The following TOX2 variants were observed in gnomAD, a reference collection of about 807,000 sequenced individuals.
The protein encoded by TOX2 is granulosa cell HMG box 1.
In TOX2, 15 loss-of-function variants were observed where a neutral mutation model predicts 47.4. The observed-to-expected ratio is 0.32, with a 90% CI of 0.21 to 0.49. The LOEUF is 0.49. Ranked by LOEUF, TOX2 falls within the 20% of genes least tolerant of loss-of-function variation. TOX2 has a pLI of 0.99. For synonymous variants in TOX2, 290 were observed against 296.6 expected, an observed-to-expected ratio of 0.98 and a Z score of 0.23; for missense variants, 622 against 673.1, an observed-to-expected ratio of 0.92 and a Z score of 0.84.
intron 2 of TOX2, among the ~76,000 whole-genome samples, chr20:43,987,846 G>C (rs548658404): frequency 1.1e-4 from 16 of 152,134 alleles, no homozygotes; most frequent in Admixed American, 3.3e-4. Context: ...CAGCTCTGCA[G>C]GCTCTGGCCT....
chr20:44,038,536 A>G (rs2071276147), intron 3 of TOX2, among the ~76,000 whole-genome samples: 1 of 152,234 alleles, frequency 6.6e-6, no homozygotes, highest in Non-Finnish European at 1.5e-5. Flanking sequence ...GCATGTATAC[A>G]ACTATGACTT....
intron 3 of TOX2, among the ~76,000 whole-genome samples, chr20:44,031,549 G>A (rs1600759895): frequency 2.0e-5 from 3 of 152,204 alleles, no homozygotes; most frequent in Middle Eastern, 3.4e-3. Context: ...CTCATTGACC[G>A]CCACCGTTTA....
intron 1 of TOX2, among the ~76,000 whole-genome samples, chr20:43,967,824 T>C (rs2069886571): frequency 6.6e-6 from 1 of 152,212 alleles, no homozygotes; most frequent in South Asian, 2.1e-4. Context: ...AAACAGTGGC[T>C]ACTACATTTA....
intron 3 of TOX2, among the ~76,000 whole-genome samples, chr20:44,017,732 C>T (rs1365949363): frequency 6.6e-6 from 1 of 152,198 alleles, no homozygotes; most frequent in African/African-American, 2.4e-5. Context: ...ATCCTTGACC[C>T]TGAGAAGGAG....
intron 4 of TOX2, among the ~76,000 whole-genome samples, chr20:44,052,466 C>A (rs1444431218): frequency 6.6e-6 from 1 of 152,178 alleles, no homozygotes; most frequent in Admixed American, 6.5e-5. Flanking sequence ...GTCCTTTCCA[C>A]GTGGTGGCCT....
chr20:43,998,177 T>C (rs1458004632), intron 2 of TOX2, among the ~76,000 whole-genome samples: 1 of 152,164 alleles, frequency 6.6e-6, no homozygotes, highest in East Asian at 1.9e-4. Flanking sequence ...CAACCCGATC[T>C]TGTGAGAACT....
At chr20:43,922,999 C>T (rs73908111) in intron 1 of TOX2, among the ~76,000 whole-genome samples, 17,420 of 137,672 alleles carry the variant, frequency 0.13, 1,267 homozygotes, top group African/African-American at 0.21. Flanking sequence ...AGTGCCAATG[C>T]CGGGAGTGTG....
chr20:43,914,971 A>T lies in TOX2; in HGVS notation c.80A>T (p.Asp27Val), dbSNP rs2069039669. 3.2e-6 allele frequency: 4 copies of T among 1,245,794 alleles called. No homozygotes were observed. Among genetic ancestry groups the T allele is most frequent in the Non-Finnish European group, 4.0e-6 (4 of 995,986 alleles). 77.2% of individuals were successfully genotyped at this position (1,245,794 alleles called of 1,614,324 possible). The change falls in exon 1 of 9, where the codon GAC becomes GTC. Residue 27 changes from aspartate (D) to valine (V), a missense_variant. By Grantham distance (152) the Asp-to-Val change is radical. Around this residue, in one of 3 missense-constraint regions of TOX2, gnomAD observed 307 missense variants for 327.3 expected, o/e 0.94. Coordinates refer to ENST00000341197, the MANE Select transcript of TOX2 (RefSeq NM_001098797.2). The surrounding 1 kb of genome is among the most constrained non-coding windows in gnomAD (Gnocchi z 4.5). The part of the protein sequence containing the change: ...GAEPAGLAHL[D>V]YYHGGKFDGD... Reference sequence around the variant, plus strand: ...GAGCCGGCCGGCCTGGCGCACCTGGACTATTACCACGGCGGCAAGGTAGGC... The same window carrying T: ...GAGCCGGCCGGCCTGGCGCACCTGGTCTATTACCACGGCGGCAAGGTAGGC...
At chr20:43,956,359 G>A (rs371162062) in intron 1 of TOX2, among the ~76,000 whole-genome samples, 2 of 152,136 alleles carry the variant, frequency 1.3e-5, no homozygotes, top group East Asian at 1.9e-4. Flanking sequence ...TCAGGAGTTC[G>A]AGACCAGCCT....
intron 2 of TOX2, among the ~76,000 whole-genome samples, chr20:44,003,601 C>T (rs6103556): frequency 0.011 from 1,645 of 152,306 alleles, 32 homozygotes; most frequent in African/African-American, 0.039. Context: ...CAGTTAACTA[C>T]TTATAACGAT....
At chr20:44,011,200 G>C (rs2070773447) in intron 3 of TOX2, among the ~76,000 whole-genome samples, 1 of 152,158 alleles carries the variant, frequency 6.6e-6, no homozygotes, top group Non-Finnish European at 1.5e-5. Context: ...TCTAAATACA[G>C]TACCATTTAC....
intron 3 of TOX2, among the ~76,000 whole-genome samples, chr20:44,013,414 A>T (rs2070815166): frequency 6.6e-6 from 1 of 152,180 alleles, no homozygotes; most frequent in African/African-American, 2.4e-5. Context: ...GAGACATAGG[A>T]ATACCCTCCC....
At chr20:43,998,521 T>C (rs1478159239) in intron 2 of TOX2, among the ~76,000 whole-genome samples, 1 of 152,246 alleles carries the variant, frequency 6.6e-6, no homozygotes, top group African/African-American at 2.4e-5. Context: ...ATTTTATTTA[T>C]GGTTTTATAC....
rs116083100 is a variant in TOX2 at position 44,028,951 on chromosome 20, G to A, written c.411+22159G>A. On this transcript the variant is annotated intron_variant, in intron 3 of 8. Coordinates refer to ENST00000341197, the MANE Select transcript of TOX2 (RefSeq NM_001098797.2). ...CTTTAGCCTCTTGCCCTGAGCACAG[G>A]GGAACCTGCTGGGCCATCCCCCACT... Among the ~76,000 whole-genome samples the A allele has an allele frequency of 5.9e-3, 899 of 152,228 alleles. 7 individuals carry two copies. The highest frequency in any genetic ancestry group is 0.021 in the African/African-American group (870 of 41,542).
At chr20:43,921,121 C>T (rs6031228) in intron 1 of TOX2, among the ~76,000 whole-genome samples, 53 of 152,274 alleles carry the variant, frequency 3.5e-4, no homozygotes, top group African/African-American at 1.2e-3. Context: ...GAGTCTTTGG[C>T]GGACCTTCCA....
intron 1 of TOX2, among the ~76,000 whole-genome samples, chr20:43,918,368 A>G (rs1428906062): frequency 6.6e-6 from 1 of 152,220 alleles, no homozygotes; most frequent in East Asian, 1.9e-4. Flanking sequence ...GTACAGTTCC[A>G]TGAGTTTTGA....
chr20:44,040,031 G>A (rs142219591), intron 3 of TOX2, among the ~76,000 whole-genome samples: 140 of 152,340 alleles, frequency 9.2e-4, no homozygotes, highest in African/African-American at 3.2e-3. Context: ...TGTTGGGGCA[G>A]CGGGGTGTGG....
intron 3 of TOX2, among the ~76,000 whole-genome samples, chr20:44,023,428 T>C (rs2071007178): frequency 8.9e-5 from 1 of 11,212 alleles, no homozygotes. Flanking sequence ...AGACTTTATC[T>C]CAGAAAAAAA....
At chr20:43,973,667 ATGAAACT>A (rs1352041058) in intron 2 of TOX2, among the ~76,000 whole-genome samples, 14 of 152,210 alleles carry the variant, frequency 9.2e-5, no homozygotes, top group Non-Finnish European at 2.1e-4. Context: ...TGGGAACTTG[ATGAAACT>A]TGAAATGTAT....
Sources: gnomAD v4.1 joint callset for allele counts (sites outside exome capture counted in the v4.1 genomes callset) on GRCh38, gnomAD v4.1.1 for gene constraint, gnomAD v4.1.1 regional missense constraint, Gnocchi (gnomAD v3.1) non-coding constraint, MANE v1.5 for transcripts, NCBI Gene and HGNC (gene_info 2026-07-23, HGNC 2026-07-21) for gene names.